SLC9A4: variants seen among roughly 807,000 people sequenced by gnomAD.
SLC9A4 encodes sodium/hydrogen exchanger 4.
SLC9A4 carries 63 observed loss-of-function variants against 67.4 expected under a neutral mutation model. The ratio of observed to expected loss-of-function variants is 0.93; its 90% CI spans 0.76 to 1.15. The LOEUF is 1.15. SLC9A4 is among the 50% of genes most tolerant of loss of function. The pLI is 0.00. For synonymous variants in SLC9A4, 393 were observed against 367.2 expected, an observed-to-expected ratio of 1.07 and a Z score of -0.80; for missense variants, 1,089 against 987.7, an observed-to-expected ratio of 1.10 and a Z score of -1.38.
intron 2 of SLC9A4, among the ~76,000 whole-genome samples, chr2:102,495,678 T>A (rs1277609719): frequency 1.3e-5 from 2 of 152,122 alleles, no homozygotes; most frequent in Non-Finnish European, 2.9e-5. Flanking sequence ...ATATAGACTA[T>A]GAAAGAGACT....
intron 2 of SLC9A4, among the ~76,000 whole-genome samples, chr2:102,491,280 C>T (rs10203707): frequency 2.5e-4 from 35 of 139,868 alleles, no homozygotes; most frequent in African/African-American, 8.7e-4. Context: ...GCTTTTTCAA[C>T]TGAATTTTTT....
intron 2 of SLC9A4, among the ~76,000 whole-genome samples, chr2:102,480,425 G>A (rs1226026710): frequency 5.3e-5 from 8 of 151,068 alleles, no homozygotes; most frequent in Non-Finnish European, 1.2e-4. Flanking sequence ...GTGCAATGAT[G>A]CAGCCTCGGC....
intron 3 of SLC9A4, 122 bp from the exon 4 acceptor site, chr2:102,505,132 A>C: frequency 3.6e-6 from 3 of 834,910 alleles, no homozygotes; most frequent in Non-Finnish European, 5.6e-6. Context: ...ACAGAAGGGA[A>C]TAAGGGAGAT....
rs1176652170 is a variant in SLC9A4, at chr2:102,532,618, G to A, written c.2327G>A (p.Arg776Lys). The A allele has an allele frequency of 2.5e-6, 4 of 1,614,062 alleles. No individual in the cohort carries two copies. In the South Asian group the frequency reaches 3.3e-5, roughly 13 times the overall value. The change falls in exon 12 of 12, where the codon AGG becomes AAG. Residue 776 changes from arginine to lysine, a missense_variant. Coordinates refer to ENST00000295269, the MANE Select transcript of SLC9A4 (RefSeq NM_001011552.4). Reference sequence around the variant, plus strand: ...GCCTCTTTGGTTGAGGTTCGGTCGAGGTGGACAGCTGACCATGGACACGGC... The same window carrying A: ...GCCTCTTTGGTTGAGGTTCGGTCGAAGTGGACAGCTGACCATGGACACGGC... ...GKASLVEVRS[R>K]WTADHGHGRD...
At chr2:102,509,831 G>C (rs1685124143) in intron 6 of SLC9A4, among the ~76,000 whole-genome samples, 1 of 152,106 alleles carries the variant, frequency 6.6e-6, no homozygotes. Flanking sequence ...TGTAACTGTT[G>C]CCTTTCAAAA....
At chr2:102,474,048 T>A (rs752389310) in intron 1 of SLC9A4, 33 bp downstream of exon 1, 3 of 1,601,288 alleles carry the variant, frequency 1.9e-6, no homozygotes, top group Middle Eastern at 1.7e-4. Flanking sequence ...TGGTGAGTTA[T>A]CTTTTTACAT....
intron 7 of SLC9A4, among the ~76,000 whole-genome samples, chr2:102,512,886 G>A (rs1275823434): frequency 6.6e-6 from 1 of 152,164 alleles, no homozygotes. Flanking sequence ...CTCTCGTGGC[G>A]CAGGCAAGGA....
intron 6 of SLC9A4, among the ~76,000 whole-genome samples, chr2:102,509,507 C>T (rs1280712813): frequency 2.0e-5 from 3 of 152,224 alleles, no homozygotes; most frequent in African/African-American, 4.8e-5. Flanking sequence ...GGTCATTGTT[C>T]TCCCTACCAC....
intron 8 of SLC9A4, 89 bp from the exon 9 acceptor site, chr2:102,519,770 C>A: frequency 8.4e-7 from 1 of 1,194,948 alleles, no homozygotes; most frequent in Non-Finnish European, 1.2e-6. Flanking sequence ...GGATTCCCCT[C>A]AGTACAGAGC....
chr2:102,512,703 C>T (rs1052527515), intron 7 of SLC9A4, among the ~76,000 whole-genome samples: 4 of 152,094 alleles, frequency 2.6e-5, no homozygotes, highest in African/African-American at 9.7e-5. Flanking sequence ...TTAAGATTCT[C>T]AAATATAGTA....
At chr2:102,505,671 G>T in intron 4 of SLC9A4, 200 bp downstream of exon 4, 1 of 546,100 alleles carries the variant, frequency 1.8e-6, no homozygotes, top group Non-Finnish European at 3.2e-6. Flanking sequence ...GGTTGATAAG[G>T]TTCTGCATTG....
intron 2 of SLC9A4, among the ~76,000 whole-genome samples, chr2:102,489,562 G>T (rs548740153): frequency 1.3e-5 from 2 of 152,262 alleles, no homozygotes; most frequent in South Asian, 4.1e-4. Context: ...AAATGTCATT[G>T]CTGCACCCTA....
At chr2:102,483,273 T>G (rs560362642) in intron 2 of SLC9A4, among the ~76,000 whole-genome samples, 1 of 152,260 alleles carries the variant, frequency 6.6e-6, no homozygotes, top group Non-Finnish European at 1.5e-5. Flanking sequence ...GCTGGGTCCC[T>G]AAGTGAAACC....
At chr2:102,502,666 G>A (rs1034037628) in intron 2 of SLC9A4, among the ~76,000 whole-genome samples, 2 of 152,168 alleles carry the variant, frequency 1.3e-5, no homozygotes, top group Non-Finnish European at 2.9e-5. Context: ...TGGAGTTGGT[G>A]GGCAAACAAT....
At chr2:102,507,122 G>T (rs1191309079) in intron 4 of SLC9A4, among the ~76,000 whole-genome samples, 1 of 152,154 alleles carries the variant, frequency 6.6e-6, no homozygotes, top group African/African-American at 2.4e-5. Flanking sequence ...AGCAGATGAG[G>T]AGTCTGAGGA....
rs1674666011 is a variant in SLC9A4, at chr2:102,526,366, G to GCCCA, written c.2038+21_2038+22insCCAC. ...TCTCAGGTAAGCTGCCCACCTGGCT[G>GCCCA]CTCTGCTGCTTTTCTGTAGAGTCAG... On this transcript the variant is annotated intron_variant, in intron 11 of 11. Coordinates refer to ENST00000295269, the MANE Select transcript of SLC9A4 (RefSeq NM_001011552.4). The GCCCA allele has an allele frequency of 1.2e-6, 2 of 1,610,738 alleles. No individual in the cohort carries two copies. Among genetic ancestry groups the GCCCA allele is most frequent in the Non-Finnish European group, 8.5e-7 (1 of 1,177,282 alleles).
chr2:102,525,623 C>G (rs1276216530), intron 10 of SLC9A4, among the ~76,000 whole-genome samples: 1 of 152,044 alleles, frequency 6.6e-6, no homozygotes, highest in Non-Finnish European at 1.5e-5. Context: ...TGTTCCTGCA[C>G]TCTTCCCATT....
intron 2 of SLC9A4, among the ~76,000 whole-genome samples, chr2:102,489,718 A>T (rs141661875): frequency 2.9e-3 from 447 of 152,326 alleles, no homozygotes; most frequent in Non-Finnish European, 5.1e-3. Context: ...ATGAACATGG[A>T]TGAACACCTT....
At chr2:102,490,214 G>C (rs1684667425) in intron 2 of SLC9A4, among the ~76,000 whole-genome samples, 1 of 152,144 alleles carries the variant, frequency 6.6e-6, no homozygotes, top group Non-Finnish European at 1.5e-5. Flanking sequence ...GTAAAGATAT[G>C]CAAGGCGATG....
Sources: gnomAD v4.1 joint callset for allele counts (sites outside exome capture counted in the v4.1 genomes callset) on GRCh38, gnomAD v4.1.1 for gene constraint, MANE v1.5 for transcripts, NCBI Gene and HGNC (gene_info 2026-07-23, HGNC 2026-07-21) for gene names.